PIEZO2: variants seen among roughly 807,000 people sequenced by gnomAD.
PIEZO2 encodes piezo-type mechanosensitive ion channel component 2.
PIEZO2 carries 172 observed loss-of-function variants against 337.3 expected under a neutral mutation model. The ratio of observed to expected loss-of-function variants is 0.51; its 90% CI spans 0.45 to 0.58. The LOEUF (loss-of-function observed/expected upper bound fraction) is 0.58, where lower values mean the gene tolerates loss of function less well. PIEZO2 is among the 20% of genes least tolerant of loss of function. The probability of loss-of-function intolerance (pLI) is 0.00; values close to 1 mark genes in which losing one functional copy is unlikely to be tolerated. For synonymous variants in PIEZO2, 1,251 were observed against 1,228.5 expected (o/e 1.02, Z -0.38); for missense variants, 3,028 against 3,391.3 (o/e 0.89, Z 2.66).
chr18:10,782,394 TAA>T (rs1491192534), intron 17 of PIEZO2, among the ~76,000 whole-genome samples: 11 of 80,862 alleles, frequency 1.4e-4, no homozygotes, highest in African/African-American at 4.8e-4. Flanking sequence ...TAATTATATA[TAA>T]ATAATTATAT....
chr18:10,731,619 C>T (rs1443133505), intron 35 of PIEZO2, 98 bp from the exon 36 acceptor site: 1 of 679,932 alleles, frequency 1.5e-6, no homozygotes, highest in African/African-American at 1.9e-5. Flanking sequence ...TTTTTTCCTC[C>T]CAACACAAAC....
intron 2 of PIEZO2, among the ~76,000 whole-genome samples, chr18:11,034,549 T>A (rs1306439002): frequency 6.6e-6 from 1 of 152,210 alleles, no homozygotes; most frequent in Admixed American, 6.5e-5. Flanking sequence ...CGCCTCGGCC[T>A]CCCAAAGTGC....
rs2035063748 is a variant in PIEZO2 at position 10,696,000 on chromosome 18, T to C, written c.7190+74A>G. 2.1e-6 allele frequency: 3 copies of C among 1,396,370 alleles called. No homozygotes were observed. In the East Asian group the frequency reaches 6.8e-5, roughly 32 times the overall value. The allele number at this position is 1,396,370 out of a possible 1,614,324, so 86.5% of individuals were successfully genotyped here. A position where few individuals can be genotyped will look rare whatever the true frequency, so the allele number is the denominator to read the frequency against. ...TGTGGCCAGCAGTTCTGCTGTGCAA[T>C]GCATGCGAGTATCACCTCAGGAAAC... is the stretch of plus-strand genomic sequence containing the variant. On this transcript the variant is annotated intron_variant, in intron 47 of 55. Coordinates refer to ENST00000674853, the MANE Select transcript of PIEZO2 (RefSeq NM_001378183.1).
At chr18:10,763,850 C>T (rs912007111) in intron 21 of PIEZO2, among the ~76,000 whole-genome samples, 9 of 152,148 alleles carry the variant, frequency 5.9e-5, no homozygotes, top group South Asian at 2.1e-4. Context: ...GGAGGAGGCG[C>T]GGATTCAACA....
intron 33 of PIEZO2, chr18:10,737,727 A>G (rs535919052): frequency 2.6e-5 from 4 of 152,366 alleles, no homozygotes; most frequent in South Asian, 4.1e-4. Context: ...AGTCTACCAG[A>G]GAAAAGAGGC....
chr18:11,086,010 C>G (rs1398942442), intron 1 of PIEZO2, among the ~76,000 whole-genome samples: 1 of 152,038 alleles, frequency 6.6e-6, no homozygotes, highest in African/African-American at 2.4e-5. Flanking sequence ...AGTACAATAT[C>G]CTGACAGAGT....
rs550021686 is a variant in PIEZO2 at position 11,043,195 on chromosome 18, A to C, written c.160+22932T>G. On this transcript the variant is annotated intron_variant, in intron 2 of 55. Transcript: ENST00000674853. ...TATCTTATGGAGCCCAAACTGAGCC[A>C]AGCAAATGGTGATTTGAAAAAAGAG... 5.1e-4 allele frequency among the ~76,000 whole-genome samples: 77 copies of C among 152,082 alleles called. 1 individual carries two copies. In the South Asian group the frequency reaches 0.015, roughly 30 times the overall value.
intron 1 of PIEZO2, among the ~76,000 whole-genome samples, chr18:11,098,751 C>A (rs1004095817): frequency 3.3e-5 from 5 of 151,606 alleles, no homozygotes; most frequent in African/African-American, 1.2e-4. Context: ...TCAGTACATA[C>A]GTATGTATTG....
intron 42 of PIEZO2, 29 bp from the exon 43 acceptor site, chr18:10,702,200 C>T (rs2035370621): frequency 2.6e-6 from 4 of 1,523,500 alleles, no homozygotes; most frequent in Non-Finnish European, 3.5e-6. Context: ...AATTTTAAAA[C>T]ATTACTCCTT....
chr18:10,748,738 C>T lies in PIEZO2; in HGVS notation c.4265-108G>A. The T allele has an allele frequency of 2.0e-6, 2 of 1,009,888 alleles. No individual in the cohort carries two copies. Among genetic ancestry groups the T allele is most frequent in the East Asian group, 2.8e-5 (1 of 35,682 alleles). 62.6% of individuals were successfully genotyped at this position (1,009,888 alleles called of 1,614,324 possible). ...TTGGGAAATATAGGCATAAAAGCAGCATTCTGATGCTCTGACTTACTTATG... is the reference window on the plus strand; with the variant it reads ...TTGGGAAATATAGGCATAAAAGCAGTATTCTGATGCTCTGACTTACTTATG... On this transcript the variant is annotated intron_variant, in intron 29 of 55. Transcript: ENST00000674853. The surrounding 1 kb of genome is among the most constrained non-coding windows in gnomAD (Gnocchi z 5.1).
At position 10,940,672 on chromosome 18, in the gene PIEZO2, G is replaced by GGTTTCA. The variant is rs1291160207; in HGVS notation, c.287-29445_287-29444insTGAAAC. Among the ~76,000 whole-genome samples the GGTTTCA allele has an allele frequency of 6.6e-6, 1 of 152,168 alleles. No homozygotes were observed. Among genetic ancestry groups the GGTTTCA allele is most frequent in the African/African-American group, 2.4e-5 (1 of 41,438 alleles). On this transcript the variant is annotated intron_variant, in intron 3 of 55. Transcript: ENST00000674853. This position sits in a 1 kb window ranked among gnomAD's most constrained non-coding sequence, Gnocchi z 5.3. ...AGGCCAAGTGATTGAGACCATCCTAGCCAACATGGTGAAACCCTATCTCTA... is the reference window on the plus strand; with the variant it reads ...AGGCCAAGTGATTGAGACCATCCTAGGTTTCACCAACATGGTGAAACCCTATCTCTA...
chr18:10,908,855 G>A (rs2030197230), intron 4 of PIEZO2: 1 of 152,220 alleles, frequency 6.6e-6, no homozygotes, highest in Admixed American at 6.5e-5. Context: ...GGCAAACCTG[G>A]AACTGTGCGG....
chr18:11,030,550 T>G lies in PIEZO2; in HGVS notation c.160+35577A>C, dbSNP rs148144600. On this transcript the variant is annotated intron_variant, in intron 2 of 55. Coordinates refer to ENST00000674853, the MANE Select transcript of PIEZO2 (RefSeq NM_001378183.1). ...GTGATTAGAAAGCTCTGGCATTTATTCACCATGATGTTGCTGTCAAGTTTT... is the reference window on the plus strand; with the variant it reads ...GTGATTAGAAAGCTCTGGCATTTATGCACCATGATGTTGCTGTCAAGTTTT... Among the ~76,000 whole-genome samples, 1,229 of 152,248 alleles carry G rather than the reference T, an allele frequency of 8.1e-3. 21 individuals carry two copies. Among genetic ancestry groups the G allele is most frequent in the African/African-American group, 0.025 (1,022 of 41,530 alleles).
intron 5 of PIEZO2, among the ~76,000 whole-genome samples, chr18:10,868,601 T>C (rs1011041166): frequency 6.6e-6 from 1 of 152,242 alleles, no homozygotes; most frequent in Non-Finnish European, 1.5e-5. Context: ...ATGTCCCTAA[T>C]AAATAATGTT....
Position 11,112,537 on chromosome 18 carries a change from A to G in PIEZO2, c.64+35988T>C, listed in dbSNP as rs1266609269. ...ACTGATGAGTCTTCTGTACATCAAC[A>G]AAGTTAACACAGATTGGCCTTGGAG... On this transcript the variant is annotated intron_variant, in intron 1 of 55. Transcript: ENST00000674853. This position sits in a 1 kb window ranked among gnomAD's most constrained non-coding sequence, Gnocchi z 4.3. Among the ~76,000 whole-genome samples, 2 of 152,230 alleles carry G rather than the reference A, an allele frequency of 1.3e-5. No homozygotes were observed. Among genetic ancestry groups the G allele is most frequent in the African/African-American group, 4.8e-5 (2 of 41,466 alleles).
In PIEZO2 at chr18:11,129,298, C is replaced by A. The variant is rs893468385; in HGVS notation, c.64+19227G>T. 1.3e-5 allele frequency among the ~76,000 whole-genome samples: 2 copies of A among 152,178 alleles called. No homozygotes were observed. The highest frequency in any genetic ancestry group is 1.3e-4 in the Admixed American group (2 of 15,276). On this transcript the variant is annotated intron_variant, in intron 1 of 55. Coordinates refer to ENST00000674853, the MANE Select transcript of PIEZO2 (RefSeq NM_001378183.1). The surrounding 1 kb of genome is among the most constrained non-coding windows in gnomAD (Gnocchi z 4.6). ...TGAGAATAATTGGATCCCGAGGTGG[C>A]AGGGACCAAGTGGCAGCACTCAACT...
rs905937111 is a variant in PIEZO2 at position 11,112,661 on chromosome 18, T to C, written c.64+35864A>G. On this transcript the variant is annotated intron_variant, in intron 1 of 55. Transcript: ENST00000674853. This position sits in a 1 kb window ranked among gnomAD's most constrained non-coding sequence, Gnocchi z 4.3. ...TAGTCGTAAGTCAACAATTGCCAGA[T>C]TAGGCACAGAAACAAACCTATATAA... 6.6e-6 allele frequency among the ~76,000 whole-genome samples: 1 copy of C among 152,152 alleles called. No individual in the cohort carries two copies. The highest frequency in any genetic ancestry group is 1.5e-5 in the Non-Finnish European group (1 of 68,032).
At chr18:10,881,930 C>T (rs1025996043) in intron 4 of PIEZO2, among the ~76,000 whole-genome samples, 2 of 152,178 alleles carry the variant, frequency 1.3e-5, no homozygotes, top group African/African-American at 4.8e-5. Context: ...TCTAAACTGA[C>T]ACTCTTTCTT....
rs1052720709 is a variant in PIEZO2, at chr18:10,824,951, C to T, written c.918-17677G>A. ...TGATCTTGGCTCACTGCAACCTCCA[C>T]TTCCTGGGTCCAAGTGATTCTCCTG... On this transcript the variant is annotated intron_variant, in intron 7 of 55. Transcript: ENST00000674853. This position sits in a 1 kb window ranked among gnomAD's most constrained non-coding sequence, Gnocchi z 4.4. 2.0e-5 allele frequency among the ~76,000 whole-genome samples: 3 copies of T among 152,196 alleles called. No homozygotes were observed. Among genetic ancestry groups the T allele is most frequent in the Admixed American group, 6.5e-5 (1 of 15,278 alleles).
Sources: allele counts gnomAD v4.1 joint callset (sites outside exome capture counted in the v4.1 genomes callset), GRCh38; gene constraint gnomAD v4.1.1; non-coding constraint Gnocchi (gnomAD v3.1); transcripts MANE v1.5; gene names NCBI Gene and HGNC (gene_info 2026-07-23, HGNC 2026-07-21).